SLC4A5: variants seen among roughly 807,000 people sequenced by gnomAD.
SLC4A5 encodes the protein solute carrier family 4 member 5.
SLC4A5 carries 96 observed loss-of-function variants against 120.4 expected under a neutral mutation model. The observed-to-expected ratio is 0.80, with a 90% CI of 0.68 to 0.94. The LOEUF is 0.94. Ranked by LOEUF, SLC4A5 falls within the 40% of genes least tolerant of loss-of-function variation. The pLI, the probability that SLC4A5 is intolerant of heterozygous loss-of-function variation, is 0.00. For synonymous variants in SLC4A5, 550 were observed against 571.1 expected (o/e 0.96, Z 0.53); for missense variants, 1,259 against 1,459.5 (o/e 0.86, Z 2.24).
exon 27 of SLC4A5, chr2:74,227,057 G>A (rs375092549): frequency 1.5e-5 from 25 of 1,614,030 alleles, no homozygotes; most frequent in East Asian, 4.5e-5. Context: ...CCGGCGCAGC[G>A]GCACGTGCCG....
intron 5 of SLC4A5, among the ~76,000 whole-genome samples, chr2:74,318,117 C>G (rs1368246181): frequency 6.6e-6 from 1 of 151,844 alleles, no homozygotes; most frequent in Non-Finnish European, 1.5e-5. Context: ...ACAAAGTAAA[C>G]AGACAACCTA....
At position 74,239,369 on chromosome 2, in the gene SLC4A5, T is replaced by TTCAG. The variant is rs780702383; in HGVS notation, c.2281_2284dup (p.Lys762ThrfsTer20). 3.7e-6 allele frequency: 6 copies of TTCAG among 1,614,192 alleles called. No homozygotes were observed. The highest frequency in any genetic ancestry group is 1.7e-5 in the Admixed American group (1 of 60,024). On this transcript the variant is annotated frameshift_variant, in exon 21 of 31. Coordinates refer to ENST00000394019, the Ensembl canonical transcript of SLC4A5. LOFTEE classifies it high-confidence loss of function. ...AAAATAGCGGCTGAATTTGAACTTC[T>TTCAG]TCAGGGTCAGGGTCATGGAGTATGT...
intron 16 of SLC4A5, 148 bp downstream of exon 16, chr2:74,252,031 T>C: frequency 1.2e-6 from 1 of 847,666 alleles, no homozygotes; most frequent in Middle Eastern, 3.1e-4. Context: ...GGATCCATGA[T>C]GGGGTTCAAG....
intron 19 of SLC4A5, among the ~76,000 whole-genome samples, chr2:74,244,193 ACTTT>A (rs1670534265): frequency 6.6e-6 from 1 of 152,156 alleles, no homozygotes; most frequent in South Asian, 2.1e-4. Flanking sequence ...TAGTTCCTTT[ACTTT>A]CTGTGAAGAA....
chr2:74,258,103 G>A (rs1671025630), intron 12 of SLC4A5, among the ~76,000 whole-genome samples: 1 of 152,188 alleles, frequency 6.6e-6, no homozygotes, highest in Non-Finnish European at 1.5e-5. Context: ...CTCCAATCTG[G>A]CTCTGCACTG....
Position 74,252,999 on chromosome 2 carries a change from TG to T in SLC4A5, c.1242del (p.Lys415ArgfsTer15), listed in dbSNP as rs1558879291. 1 of 1,613,994 alleles carries T rather than the reference TG, an allele frequency of 6.2e-7. No individual in the cohort carries two copies. The highest frequency in any genetic ancestry group is 1.3e-5 in the African/African-American group (1 of 74,908). On this transcript the variant is annotated frameshift_variant, in exon 15 of 31. Transcript: ENST00000394019. LOFTEE classifies it high-confidence loss of function. ...CTCTTGTCAGCAGAGGGCACCTTCT[TG>T]GGGGGCTCAATCCGGATATTTGGGT...
At chr2:74,249,337 C>T (rs1670719113) in intron 17 of SLC4A5, among the ~76,000 whole-genome samples, 1 of 151,912 alleles carries the variant, frequency 6.6e-6, no homozygotes. Context: ...AGAGAATTGG[C>T]CAGGGGAATA....
chr2:74,316,898 A>G (rs544858410), intron 5 of SLC4A5, among the ~76,000 whole-genome samples: 1 of 152,334 alleles, frequency 6.6e-6, no homozygotes, highest in East Asian at 1.9e-4. Flanking sequence ...GAGGCTGTGC[A>G]CTTGAACGCA....
At chr2:74,335,238 A>G (rs536296203) in intron 3 of SLC4A5, among the ~76,000 whole-genome samples, 2 of 152,338 alleles carry the variant, frequency 1.3e-5, no homozygotes, top group African/African-American at 4.8e-5. Context: ...TTGCTGGATG[A>G]CAGTCTCTCT....
chr2:74,294,532 T>C (rs1418681556), intron 7 of SLC4A5, among the ~76,000 whole-genome samples: 1 of 152,196 alleles, frequency 6.6e-6, no homozygotes, highest in Non-Finnish European at 1.5e-5. Flanking sequence ...GAACAGTTGC[T>C]CTGCTTTTTC....
intron 8 of SLC4A5, among the ~76,000 whole-genome samples, chr2:74,275,310 G>C (rs997426893): frequency 2.6e-5 from 4 of 152,206 alleles, no homozygotes; most frequent in Non-Finnish European, 5.9e-5. Context: ...TTGAAGGAGA[G>C]CCCACAGCTA....
intron 30 of SLC4A5, among the ~76,000 whole-genome samples, chr2:74,219,129 G>A (rs978318106): frequency 2.6e-5 from 4 of 151,498 alleles, no homozygotes; most frequent in Non-Finnish European, 5.9e-5. Context: ...TTGTAGTCCT[G>A]CCTGCTTAGT....
At chr2:74,269,573 C>T (rs1671411057) in intron 8 of SLC4A5, among the ~76,000 whole-genome samples, 2 of 152,080 alleles carry the variant, frequency 1.3e-5, no homozygotes, top group South Asian at 4.1e-4. Context: ...AACTTTTCTT[C>T]CTGAGGATCG....
chr2:74,263,007 T>A (rs1462911231), intron 10 of SLC4A5, among the ~76,000 whole-genome samples: 1 of 152,212 alleles, frequency 6.6e-6, no homozygotes, highest in Non-Finnish European at 1.5e-5. Context: ...TATGTATCTG[T>A]TGCTATTATG....
exon 14 of SLC4A5, chr2:74,254,684 G>T (rs1416852751): frequency 3.1e-6 from 5 of 1,613,758 alleles, no homozygotes; most frequent in Non-Finnish European, 4.2e-6. Flanking sequence ...CTCCCAGAAG[G>T]TCCCAGTAGT....
At chr2:74,232,221 G>A (rs940005392) in intron 24 of SLC4A5, among the ~76,000 whole-genome samples, 4 of 152,120 alleles carry the variant, frequency 2.6e-5, no homozygotes, top group Non-Finnish European at 5.9e-5. Context: ...TGTCTGGCAC[G>A]TGTGCATATT....
At position 74,255,977 on chromosome 2, in the gene SLC4A5, G is replaced by A. The variant is rs754820322; in HGVS notation, c.868-45C>T. The A allele has an allele frequency of 9.4e-6, 15 of 1,601,206 alleles. No homozygotes were observed. Among genetic ancestry groups the A allele is most frequent in the Non-Finnish European group, 1.2e-5 (14 of 1,170,290 alleles). ...GAGATAGCCAAGGAGACTCCCACCT[G>A]CTCTCACTCCCTCACTCCCCTTCAG... On this transcript the variant is annotated intron_variant, in intron 12 of 30. Transcript: ENST00000394019. This position sits in a 1 kb window ranked among gnomAD's most constrained non-coding sequence, Gnocchi z 4.0.
intron 7 of SLC4A5, among the ~76,000 whole-genome samples, chr2:74,290,873 C>T (rs897387793): frequency 6.6e-6 from 1 of 152,078 alleles, no homozygotes; most frequent in Non-Finnish European, 1.5e-5. Context: ...TAGGAGAGCC[C>T]AGGATCCTCT....
intron 19 of SLC4A5, among the ~76,000 whole-genome samples, chr2:74,246,403 C>T (rs1461689069): frequency 2.0e-5 from 3 of 152,220 alleles, no homozygotes; most frequent in Non-Finnish European, 4.4e-5. Flanking sequence ...GCTCCCTGTT[C>T]CTCATTCAGC....
Sources: gnomAD v4.1 joint callset for allele counts (sites outside exome capture counted in the v4.1 genomes callset) on GRCh38, gnomAD v4.1.1 for gene constraint, Gnocchi (gnomAD v3.1) non-coding constraint, MANE v1.5 for transcripts, NCBI Gene and HGNC (gene_info 2026-07-23, HGNC 2026-07-21) for gene names.